Variants in ABTB2 observed in about 807,000 individuals in gnomAD.
ABTB2 encodes ankyrin repeat and BTB/POZ domain-containing protein 2.
Under a neutral mutation model 104.1 loss-of-function variants are expected in ABTB2, and 56 were observed. The observed-to-expected ratio is 0.54, with a 90% CI of 0.43 to 0.67. The LOEUF is 0.67. Ranked by LOEUF, ABTB2 falls within the 30% of genes least tolerant of loss-of-function variation. The pLI, the probability that ABTB2 is intolerant of heterozygous loss-of-function variation, is 0.00. For missense variants in ABTB2, 1,279 were observed against 1,407.7 expected (o/e 0.91, Z 1.46); for synonymous variants, 606 against 608.2 (o/e 1.00, Z 0.05).
At chr11:34,327,881 G>A (rs1028924021) in intron 1 of ABTB2, among the ~76,000 whole-genome samples, 8 of 152,150 alleles carry the variant, frequency 5.3e-5, no homozygotes, top group East Asian at 3.9e-4. Context: ...GCAGCTGCGT[G>A]TACATGGTTA....
At chr11:34,153,376 G>A (rs191717260) in intron 16 of ABTB2, among the ~76,000 whole-genome samples, 3 of 152,152 alleles carry the variant, frequency 2.0e-5, no homozygotes, top group East Asian at 1.9e-4. Flanking sequence ...ACTTTTTTGG[G>A]GGGCGGGGGT....
intron 1 of ABTB2, among the ~76,000 whole-genome samples, chr11:34,323,200 C>G (rs1385214387): frequency 1.3e-5 from 2 of 152,168 alleles, no homozygotes; most frequent in African/African-American, 4.8e-5. Flanking sequence ...AGTCACTGCG[C>G]CTGGCCGCAA....
Position 34,335,757 on chromosome 11 carries a change from G to A in ABTB2, c.883+20944C>T, listed in dbSNP as rs1248835201. The A allele has an allele frequency of 4.6e-5, 64 of 1,390,762 alleles. No homozygotes were observed. The East Asian group carries it at 1.3e-3, about 29-fold the overall frequency. The allele number at this position is 1,390,762 out of a possible 1,614,324, so 86.2% of individuals were successfully genotyped here. ...TCTTCTGTGAAGCAGTCCCATTGAG[G>A]TGACAATCAAAACCTATGATCCCAG... On this transcript the variant is annotated intron_variant, in intron 1 of 16. Coordinates refer to ENST00000435224, the MANE Select transcript of ABTB2 (RefSeq NM_145804.3).
chr11:34,163,358 A>G (rs1218874265), intron 9 of ABTB2, among the ~76,000 whole-genome samples: 1 of 152,200 alleles, frequency 6.6e-6, no homozygotes, highest in South Asian at 2.1e-4. Flanking sequence ...TGTAGAATGT[A>G]TTCATATTTA....
chr11:34,165,904 A>T (rs1852793915), intron 7 of ABTB2, among the ~76,000 whole-genome samples: 4 of 152,242 alleles, frequency 2.6e-5, no homozygotes, highest in African/African-American at 9.6e-5. Context: ...CCAGGAAGGC[A>T]GGTGGTGGGG....
At chr11:34,341,604 G>A (rs148763272) in intron 1 of ABTB2, among the ~76,000 whole-genome samples, 25 of 152,118 alleles carry the variant, frequency 1.6e-4, no homozygotes, top group African/African-American at 6.0e-4. Flanking sequence ...TGAGGAAATG[G>A]TTTTTTTTAA....
At chr11:34,183,511 C>T (rs1389582781) in intron 3 of ABTB2, among the ~76,000 whole-genome samples, 9 of 152,244 alleles carry the variant, frequency 5.9e-5, no homozygotes, top group Non-Finnish European at 4.4e-5. Context: ...CTGCCCTCGG[C>T]TAGAGAGACT....
At chr11:34,254,467 C>T (rs10836170) in intron 1 of ABTB2, among the ~76,000 whole-genome samples, 44,905 of 151,140 alleles carry the variant, frequency 0.3, 6,940 homozygotes, top group African/African-American at 0.37. Context: ...TTTCCCAGAC[C>T]GGTCTCAAAT....
At position 34,356,313 on chromosome 11, in the gene ABTB2, T is replaced by C. The variant is rs891274884; in HGVS notation, c.883+388A>G. 6.6e-6 allele frequency among the ~76,000 whole-genome samples: 1 copy of C among 152,148 alleles called. No homozygotes were observed. The highest frequency in any genetic ancestry group is 1.5e-5 in the Non-Finnish European group (1 of 68,028). ...AAAACTAGGGGGCAGAATCAGTCAATCTAACCAGCTGTTGGGGAAAGACAG... is the reference window on the plus strand; with the variant it reads ...AAAACTAGGGGGCAGAATCAGTCAACCTAACCAGCTGTTGGGGAAAGACAG... On this transcript the variant is annotated intron_variant, in intron 1 of 16. Transcript: ENST00000435224. The surrounding 1 kb of genome is among the most constrained non-coding windows in gnomAD (Gnocchi z 4.6).
chr11:34,160,798 G>A (rs1019142675), intron 11 of ABTB2, 105 bp downstream of exon 11: 4 of 1,280,652 alleles, frequency 3.1e-6, no homozygotes, highest in Middle Eastern at 2.7e-4. Flanking sequence ...CGTTGGGTGA[G>A]GGGGTCCCTG....
At chr11:34,347,639 C>T (rs747412659) in intron 1 of ABTB2, among the ~76,000 whole-genome samples, 2 of 152,290 alleles carry the variant, frequency 1.3e-5, no homozygotes, top group African/African-American at 4.8e-5. Flanking sequence ...TGACCTATCA[C>T]ATTTTATTAT....
At chr11:34,240,867 T>C (rs1219501885) in intron 1 of ABTB2, among the ~76,000 whole-genome samples, 1 of 152,206 alleles carries the variant, frequency 6.6e-6, no homozygotes, top group Non-Finnish European at 1.5e-5. Flanking sequence ...AGTGCTGGGA[T>C]TACAGGTGTG....
intron 1 of ABTB2, among the ~76,000 whole-genome samples, chr11:34,234,520 G>A (rs559391651): frequency 1.3e-5 from 2 of 152,304 alleles, no homozygotes; most frequent in Non-Finnish European, 2.9e-5. Context: ...CACCAGGGCT[G>A]GTTCCACTGC....
chr11:34,328,731 G>GT (rs1855097516), intron 1 of ABTB2, among the ~76,000 whole-genome samples: 1 of 152,038 alleles, frequency 6.6e-6, no homozygotes, highest in Non-Finnish European at 1.5e-5. Flanking sequence ...TTAGTTGTAG[G>GT]TACTTCAAAA....
intron 1 of ABTB2, among the ~76,000 whole-genome samples, chr11:34,332,868 C>T (rs937882345): frequency 9.3e-5 from 14 of 150,584 alleles, no homozygotes; most frequent in African/African-American, 3.2e-4. Context: ...CTCTGAAGTG[C>T]GTTCAGGGAG....
intron 3 of ABTB2, among the ~76,000 whole-genome samples, chr11:34,180,165 T>C (rs1299390035): frequency 6.6e-6 from 1 of 152,212 alleles, no homozygotes; most frequent in Admixed American, 6.5e-5. Flanking sequence ...TATAAACATG[T>C]AAAGCCTGCA....
At chr11:34,159,438 C>A (rs926433249) in intron 13 of ABTB2, 52 bp from the exon 14 acceptor site, 1 of 1,249,852 alleles carries the variant, frequency 8.0e-7, no homozygotes, top group Non-Finnish European at 1.2e-6. Context: ...TACTTCACCA[C>A]TGTGTGGCGA....
At chr11:34,288,610 CG>C (rs1230118312) in intron 1 of ABTB2, among the ~76,000 whole-genome samples, 2 of 151,946 alleles carry the variant, frequency 1.3e-5, no homozygotes, top group Non-Finnish European at 2.9e-5. Flanking sequence ...TGGTTGTTTT[CG>C]GCCCAGGAGG....
intron 3 of ABTB2, among the ~76,000 whole-genome samples, chr11:34,174,186 T>G (rs758545545): frequency 6.6e-6 from 1 of 151,604 alleles, no homozygotes; most frequent in Non-Finnish European, 1.5e-5. Context: ...TAAGCCGGGC[T>G]TGGTGGCGGG....
Sources: gnomAD v4.1 joint callset for allele counts (sites outside exome capture counted in the v4.1 genomes callset) on GRCh38, gnomAD v4.1.1 for gene constraint, Gnocchi (gnomAD v3.1) non-coding constraint, MANE v1.5 for transcripts, NCBI Gene and HGNC (gene_info 2026-07-23, HGNC 2026-07-21) for gene names.